IDUA: variants seen among roughly 807,000 people sequenced by gnomAD.
IDUA encodes the protein iduronidase alpha-L-.
A neutral mutation model predicts 68.9 loss-of-function variants in IDUA; 65 were observed. The observed-to-expected ratio is 0.94, with a 90% CI of 0.77 to 1.16. The LOEUF is 1.16. Ranked by LOEUF, IDUA falls within the 50% of genes most tolerant of loss-of-function variation. The pLI, the probability that IDUA is intolerant of heterozygous loss-of-function variation, is 0.00. For missense variants in IDUA, 1,046 were observed against 938.0 expected (o/e 1.12, Z -1.50); for synonymous variants, 529 against 433.6 (o/e 1.22, Z -2.73).
At position 987,854 on chromosome 4, in the gene IDUA, G is replaced by A. The variant is rs1194221175; in HGVS notation, c.204G>A (p.Trp68Ter). ...AGGCTGACCAGTACGTCCTCAGCTG[G>A]GACCAGCAGCTCAACCTCGCCTATG... Reference protein sequence around the residue: ...HSQADQYVLSWDQQLNLAYVG... With the variant: ...HSQADQYVLS The change falls in exon 2 of 14, where the codon TGG becomes TGA. Residue 68 changes from tryptophan (W) to a stop codon, truncating the protein, a stop_gained. Transcript: ENST00000514224. LOFTEE classifies it high-confidence loss of function. 6.2e-7 allele frequency: 1 copy of A among 1,612,470 alleles called. No homozygotes were observed. The highest frequency in any genetic ancestry group is 8.5e-7 in the Non-Finnish European group (1 of 1,179,866).
At chr4:988,750 G>A in intron 2 of IDUA, 1 of 1,437,678 alleles carries the variant, frequency 7.0e-7, no homozygotes, top group Non-Finnish European at 9.1e-7. Flanking sequence ...GCTCCTCCCT[G>A]GGAAGGGTCT....
At chr4:988,879 G>T in intron 2 of IDUA, 1 of 1,599,768 alleles carries the variant, frequency 6.3e-7, no homozygotes, top group Non-Finnish European at 8.5e-7. Flanking sequence ...GCGGGCTCGT[G>T]CTGTCTGCAC....
At position 1,002,121 on chromosome 4, in the gene IDUA, C is replaced by A; in HGVS notation, c.932C>A (p.Pro311Gln). The stretch of plus-strand genomic sequence containing the variant: ...CTGGTGGGCTGGTCCCTGCCACAGC[C>A]GTGGAGGGCGGACGTGACCTACGCG... ...DPLVGWSLPQ[P>Q]WRADVTYAAM... Residue 311 changes from proline to glutamine, a missense_variant, in exon 7 of 14, where the codon CCG (proline) becomes CAG (glutamine). Transcript: ENST00000514224. 6.4e-7 allele frequency: 1 copy of A among 1,568,198 alleles called. No homozygotes were observed. The highest frequency in any genetic ancestry group is 1.2e-5 in the South Asian group (1 of 85,568).
rs1175142973 is a variant in IDUA, at chr4:1,002,910, G to A, written c.1368G>A (p.Val456=). The change falls in exon 9 of 14, where the codon GTG becomes GTA. Residue 456 remains valine (V), a synonymous_variant. Transcript: ENST00000514224. ...TRAHPNRSVA[V]TLRLRGVPPG... ...CCCACCCCAACCGCAGCGTCGCGGT[G>A]ACCCTGCGGCTGCGCGGGGTGCCCC... The A allele has an allele frequency of 2.9e-6, 4 of 1,397,452 alleles. No homozygotes were observed. In the East Asian group the frequency reaches 9.1e-5, roughly 32 times the overall value. 86.6% of individuals were successfully genotyped at this position (1,397,452 alleles called of 1,614,324 possible). A position where few individuals can be genotyped will look rare whatever the true frequency, so the allele number is the denominator to read the frequency against.
chr4:992,565 T>C (rs1714450772), intron 2 of IDUA, among the ~76,000 whole-genome samples: 2 of 152,220 alleles, frequency 1.3e-5, no homozygotes, highest in Admixed American at 1.3e-4. Flanking sequence ...CTGTCTCCCC[T>C]GCCCAGACAG....
At chr4:994,712 C>T (rs1714635429) in intron 2 of IDUA, among the ~76,000 whole-genome samples, 1 of 152,116 alleles carries the variant, frequency 6.6e-6, no homozygotes, top group Admixed American at 6.5e-5. Context: ...GCTGGGATTA[C>T]AGGCTTGAGC....
At chr4:989,109 G>A (rs760150174) in intron 2 of IDUA, 11 of 1,605,018 alleles carry the variant, frequency 6.9e-6, no homozygotes, top group Non-Finnish European at 8.5e-6. Flanking sequence ...TGACCACTGT[G>A]TGGAAGCCGG....
At position 989,695 on chromosome 4, in the gene IDUA, G is replaced by T. The variant is rs200470975; in HGVS notation, c.299+1746G>T. 4.7e-5 allele frequency: 73 copies of T among 1,562,244 alleles called. No individual in the cohort carries two copies. Among genetic ancestry groups the T allele is most frequent in the Non-Finnish European group, 6.2e-5 (72 of 1,154,130 alleles). ...CACCACGGTGGCGCTGACCACGCTG[G>T]ACAGCTGTGTCCGGCAGCCAGTGGC... On this transcript the variant is annotated intron_variant, in intron 2 of 13. Transcript: ENST00000514224.
intron 4 of IDUA, 29 bp from the exon 5 acceptor site, chr4:1,001,439 G>C: frequency 6.3e-7 from 1 of 1,595,040 alleles, no homozygotes; most frequent in African/African-American, 1.3e-5. Context: ...ATTCACCTGT[G>C]CTGGGGGGAC....
At chr4:997,276 C>T (rs1224730107) in intron 2 of IDUA, among the ~76,000 whole-genome samples, 1 of 151,734 alleles carries the variant, frequency 6.6e-6, no homozygotes, top group Non-Finnish European at 1.5e-5. Flanking sequence ...TCCCAAGAGG[C>T]GGGTCTGTAC....
In IDUA at chr4:999,145, C is replaced by T. The variant is rs543469992; in HGVS notation, c.300-1467C>T. Among the ~76,000 whole-genome samples the T allele has an allele frequency of 1.8e-3, 278 of 151,240 alleles. 3 individuals carry two copies. The highest frequency in any genetic ancestry group is 6.3e-3 in the African/African-American group (260 of 41,056). On this transcript the variant is annotated intron_variant, in intron 2 of 13. Transcript: ENST00000514224. ...GTGTGAACCCGGGAGGGGGAGCTTGCAGTGAGCCGAGATCGCGCCACTGCA... is the reference window on the plus strand; with the variant it reads ...GTGTGAACCCGGGAGGGGGAGCTTGTAGTGAGCCGAGATCGCGCCACTGCA...
chr4:987,643 G>A, intron 1 of IDUA, 166 bp from the exon 2 acceptor site: 1 of 1,452,012 alleles, frequency 6.9e-7, no homozygotes, highest in Non-Finnish European at 9.1e-7. Context: ...CCATGAAGAT[G>A]GGACCTCCCC....
intron 2 of IDUA, among the ~76,000 whole-genome samples, chr4:994,026 C>T (rs1714574458): frequency 6.6e-6 from 1 of 152,268 alleles, no homozygotes; most frequent in African/African-American, 2.4e-5. Flanking sequence ...CTCTGCCCTC[C>T]CCTCTACCAC....
chr4:988,623 G>T (rs1187346453), intron 2 of IDUA: 1 of 1,379,226 alleles, frequency 7.3e-7, no homozygotes, highest in Admixed American at 3.4e-5. Context: ...CTCGGAGGCA[G>T]AGGTTCTTGA....
chr4:1,003,447 C>T lies in IDUA; in HGVS notation c.1627C>T (p.Arg543Cys). Residue 543 changes from arginine (R) to cysteine (C), a missense_variant, in exon 11 of 14, where the codon CGC becomes TGC. Arg to Cys is a radical substitution (Grantham distance 180). Coordinates refer to ENST00000514224, the MANE Select transcript of IDUA (RefSeq NM_000203.5). ...PSLLLVHVCA[R>C]PEKPPGQVTR... ...GCTTTTGCTGGTGCACGTGTGTGCG[C>T]GCCCCGAGAAGCCGCCCGGGCAGGC... 6.5e-7 allele frequency: 1 copy of T among 1,546,602 alleles called. No individual in the cohort carries two copies. Among genetic ancestry groups the T allele is most frequent in the Non-Finnish European group, 8.7e-7 (1 of 1,152,762 alleles).
intron 5 of IDUA, 26 bp downstream of exon 5, chr4:1,001,589 C>T (rs1402917482): frequency 2.5e-6 from 4 of 1,611,650 alleles, no homozygotes; most frequent in East Asian, 2.2e-5. Flanking sequence ...TGGGGTCCTG[C>T]CCGGCTGAAA....
chr4:987,399 C>T (rs1395410164), intron 1 of IDUA, among the ~76,000 whole-genome samples, 157 bp downstream of exon 1: 2 of 152,172 alleles, frequency 1.3e-5, no homozygotes, highest in African/African-American at 2.4e-5. Context: ...GGTGGGTCCT[C>T]CACCTGAGTG....
At chr4:996,356 C>T (rs1477263775) in intron 2 of IDUA, among the ~76,000 whole-genome samples, 1 of 152,148 alleles carries the variant, frequency 6.6e-6, no homozygotes, top group African/African-American at 2.4e-5. Flanking sequence ...CTCAAGGTCT[C>T]CCTAAAGGAG....
At chr4:987,314 G>A in intron 1 of IDUA, 72 bp downstream of exon 1, 1 of 1,377,768 alleles carries the variant, frequency 7.3e-7, no homozygotes, top group Non-Finnish European at 9.8e-7. Flanking sequence ...ACTGCGCACT[G>A]TGAGAGCTTC....
Sources: allele counts gnomAD v4.1 joint callset (sites outside exome capture counted in the v4.1 genomes callset), GRCh38; gene constraint gnomAD v4.1.1; transcripts MANE v1.5; gene names NCBI Gene and HGNC (gene_info 2026-07-23, HGNC 2026-07-21).